Variants in USP17L7 observed in about 807,000 individuals in gnomAD.
USP17L7 encodes inactive ubiquitin carboxyl-terminal hydrolase 17-like protein 7.
In USP17L7, 53 loss-of-function variants were observed where a neutral mutation model predicts 37.6. The ratio of observed to expected loss-of-function variants is 1.41; its 90% confidence interval spans 1.13 to 1.77. USP17L7 has a LOEUF of 1.77. Among genes scored for constraint, USP17L7 ranks in the 40% most tolerant of loss-of-function variants. USP17L7 has a pLI of 0.00. For missense variants in USP17L7, 914 were observed against 645.0 expected, an observed-to-expected ratio of 1.42 and a Z score of -4.52; for synonymous variants, 330 against 251.0, an observed-to-expected ratio of 1.31 and a Z score of -2.98.
At position 12,132,728 on chromosome 8, in the gene USP17L7, C is replaced by T. The variant is rs777887550; in HGVS notation, c.1282G>A (p.Ala428Thr). ...TGGTCTAAGGTGCTTTCCTGAGTGG[C>T]TCTTTCCACCAAGTGCTCGTCCAAC... ...PELDEHLVER[A>T]TQESTLDHWK... The change falls in exon 1 of 1, where the codon GCC (alanine) becomes ACC (threonine). Residue 428 changes from alanine to threonine, a missense_variant. By Grantham distance (58) the Ala-to-Thr change is moderately conservative (BLOSUM62 0). Transcript: ENST00000530447. The T allele has an allele frequency of 3.6e-5, 55 of 1,540,648 alleles. 4 individuals are homozygous for T. Among genetic ancestry groups the T allele is most frequent in the Non-Finnish European group, 4.6e-5 (52 of 1,135,340 alleles).
rs767185230 is a variant in USP17L7, at chr8:12,133,604, G to C, written c.406C>G (p.Leu136Val). 2.4e-6 allele frequency: 3 copies of C among 1,262,914 alleles called. 1 individual carries two copies. The highest frequency in any genetic ancestry group is 2.7e-5 in the South Asian group (2 of 74,590). 78.2% of individuals were successfully genotyped at this position (1,262,914 alleles called of 1,614,324 possible). ...CTMQAHITWA[L>V]HSPGHVIQPS... ...TGGATGACATGGCCAGGACTGTGGA[G>C]GGCCCATGTGATGTGAGCTTGCATA... is the stretch of plus-strand genomic sequence containing the variant. Residue 136 changes from leucine to valine, a missense_variant, in exon 1 of 1, where the codon CTC becomes GTC. Transcript: ENST00000530447.
Position 12,134,058 on chromosome 8 carries a change from G to A in USP17L7, c.-49C>T, listed in dbSNP as rs781032279. Reference sequence around the variant, plus strand: ...GGTTTTTCTGCTGGGACCGCAGGTTGCAGCAAGACGCTATCTCTTCCGAGA... The same window carrying A: ...GGTTTTTCTGCTGGGACCGCAGGTTACAGCAAGACGCTATCTCTTCCGAGA... On this transcript the variant is annotated 5_prime_UTR_variant, in exon 1 of 1. Transcript: ENST00000530447. 14 of 836,908 alleles carry A rather than the reference G, an allele frequency of 1.7e-5. 1 individual carries two copies. The highest frequency in any genetic ancestry group is 2.6e-5 in the Non-Finnish European group (13 of 501,986). 51.8% of individuals were successfully genotyped at this position (836,908 alleles called of 1,614,324 possible).
At position 12,132,494 on chromosome 8, in the gene USP17L7, C is replaced by G; in HGVS notation, c.1516G>C (p.Ala506Pro). Residue 506 changes from alanine (A) to proline (P), a missense_variant, in exon 1 of 1, where the codon GCT (alanine) becomes CCT (proline). Transcript: ENST00000530447. ...CTCCTGGTGCTCCCTTGCAGAGAAGCGAGTGTGCCAGTGTTCATGGACTCC... is the reference window on the plus strand; with the variant it reads ...CTCCTGGTGCTCCCTTGCAGAGAAGGGAGTGTGCCAGTGTTCATGGACTCC... ...DQESMNTGTL[A>P]SLQGSTRRSK... The G allele has an allele frequency of 1.4e-6, 2 of 1,466,748 alleles. No individual in the cohort carries two copies. Among genetic ancestry groups the G allele is most frequent in the Non-Finnish European group, 1.9e-6 (2 of 1,071,824 alleles). 90.9% of individuals were successfully genotyped at this position (1,466,748 alleles called of 1,614,324 possible).
In USP17L7 at chr8:12,133,092, G is replaced by A. The variant is rs1802998398; in HGVS notation, c.918C>T (p.Tyr306=). The A allele has an allele frequency of 2.0e-6, 3 of 1,484,176 alleles. No individual in the cohort carries two copies. The highest frequency in any genetic ancestry group is 2.8e-5 in the African/African-American group (2 of 71,830). The allele number at this position is 1,484,176 out of a possible 1,614,324, so 91.9% of individuals were successfully genotyped here. ...GAGGTCCTGTGTTCTGCTGAGACAT[G>A]TATGGCTGCATGTCACGGCACTTAG... ...QYPKCRDMQP[Y]MSQQNTGPLV... Residue 306 remains tyrosine, a synonymous_variant, in exon 1 of 1, where the codon TAC becomes TAT. Coordinates refer to ENST00000530447, the MANE Select transcript of USP17L7 (RefSeq NM_001256869.2).
rs747859174 is a variant in USP17L7, at chr8:12,133,476, G to A, written c.534C>T (p.Pro178=). Residue 178 remains proline, a synonymous_variant, in exon 1 of 1, where the codon CCC becomes CCT. Coordinates refer to ENST00000530447, the MANE Select transcript of USP17L7 (RefSeq NM_001256869.2). ...TVDAMKKACL[P]GHKQLDHHSK... ...AGTGATGATCTAGCTGCTTGTGCCC[G>A]GGAAGGCATGCCTTTTTCATGGCAT... The A allele has an allele frequency of 2.1e-4, 307 of 1,473,528 alleles. 18 individuals carry two copies. Among genetic ancestry groups the A allele is most frequent in the Non-Finnish European group, 2.7e-4 (297 of 1,080,876 alleles). The allele number at this position is 1,473,528 out of a possible 1,614,324, so 91.3% of individuals were successfully genotyped here.
rs540439944 is a variant in USP17L7, at chr8:12,133,780, G to A, written c.230C>T (p.Ala77Val). 2.6e-4 allele frequency: 384 copies of A among 1,497,132 alleles called. 38 individuals are homozygous for A. The African/African-American group carries it at 3.3e-3, about 13-fold the overall frequency. 92.7% of individuals were successfully genotyped at this position (1,497,132 alleles called of 1,614,324 possible). ...KLPLSSRRPAAVGAGLQKIGN... is the reference protein window; with the variant it reads ...KLPLSSRRPAVVGAGLQKIGN... ...TATCTTCTGGAGCCCAGCCCCCACC[G>A]CAGCAGGTCTCCTGCTACTCAGAGG... The change falls in exon 1 of 1, where the codon GCG (alanine) becomes GTG (valine). Residue 77 changes from alanine to valine, a missense_variant. Ala to Val is a moderately conservative substitution (Grantham distance 64, BLOSUM62 0). Coordinates refer to ENST00000530447, the MANE Select transcript of USP17L7 (RefSeq NM_001256869.2).
In USP17L7 at chr8:12,132,474, G is replaced by A. The variant is rs780829149; in HGVS notation, c.1536C>T (p.Thr512=). 6 of 1,452,224 alleles carry A rather than the reference G, an allele frequency of 4.1e-6. No individual in the cohort carries two copies. Among genetic ancestry groups the A allele is most frequent in the Non-Finnish European group, 5.7e-6 (6 of 1,058,670 alleles). The allele number at this position is 1,452,224 out of a possible 1,614,324, so 90.0% of individuals were successfully genotyped here. A position where few individuals can be genotyped will look rare whatever the true frequency, so the allele number is the denominator to read the frequency against. The change falls in exon 1 of 1, where the codon ACC becomes ACT. Residue 512 remains threonine (T), a synonymous_variant. Coordinates refer to ENST00000530447, the MANE Select transcript of USP17L7 (RefSeq NM_001256869.2). ...GTTTGTTATTCCCTTTGGATCTCCT[G>A]GTGCTCCCTTGCAGAGAAGCGAGTG... is the stretch of plus-strand genomic sequence containing the variant. The part of the protein sequence containing the change: ...TGTLASLQGS[T]RRSKGNNKHS...
Position 12,133,173 on chromosome 8 carries a change from T to G in USP17L7, c.837A>C (p.Val279=), listed in dbSNP as rs371723489. Reference sequence around the variant, plus strand: ...CTGTGACATCGGAGAATCTCTTCAATACAAGAATGAGGACCTTGGCAGAAG... The same window carrying G: ...CTGTGACATCGGAGAATCTCTTCAAGACAAGAATGAGGACCTTGGCAGAAG... The part of the protein sequence containing the change: ...LPTSAKVLIL[V]LKRFSDVTGN... Residue 279 remains valine (V), a synonymous_variant, in exon 1 of 1, where the codon GTA becomes GTC. Coordinates refer to ENST00000530447, the MANE Select transcript of USP17L7 (RefSeq NM_001256869.2). 27,805 of 1,420,254 alleles carry G rather than the reference T, an allele frequency of 0.02. 1,782 individuals carry two copies. Among genetic ancestry groups the G allele is most frequent in the South Asian group, 0.042 (3,203 of 76,214 alleles). 88.0% of individuals were successfully genotyped at this position (1,420,254 alleles called of 1,614,324 possible).
rs758352095 is a variant in USP17L7 at position 12,133,152 on chromosome 8, G to T, written c.858C>A (p.Val286=). The change falls in exon 1 of 1, where the codon GTC becomes GTA. Residue 286 remains valine, a synonymous_variant. Coordinates refer to ENST00000530447, the MANE Select transcript of USP17L7 (RefSeq NM_001256869.2). ...LILVLKRFSD[V]TGNKLAKNVQ... is the part of the protein sequence containing the mutation. ...CATTCTTGGCAAGTTTGTTGCCTGT[G>T]ACATCGGAGAATCTCTTCAATACAA... The T allele has an allele frequency of 2.6e-6, 4 of 1,509,836 alleles. No homozygotes were observed. The Admixed American group carries it at 7.0e-5, about 26-fold the overall frequency. The allele number at this position is 1,509,836 out of a possible 1,614,324, so 93.5% of individuals were successfully genotyped here. A position where few individuals can be genotyped will look rare whatever the true frequency, so the allele number is the denominator to read the frequency against.
rs544330872 is a variant in USP17L7, at chr8:12,133,438, G to A, written c.572C>T (p.Thr191Ile). 14 of 1,461,118 alleles carry A rather than the reference G, an allele frequency of 9.6e-6. 2 individuals carry two copies. Among genetic ancestry groups the A allele is most frequent in the African/African-American group, 2.8e-5 (2 of 70,494 alleles). The allele number at this position is 1,461,118 out of a possible 1,614,324, so 90.5% of individuals were successfully genotyped here. A position where few individuals can be genotyped will look rare whatever the true frequency, so the allele number is the denominator to read the frequency against. The change falls in exon 1 of 1, where the codon ACC (threonine) becomes ATC (isoleucine). Residue 191 changes from threonine (T) to isoleucine (I), a missense_variant. Physicochemically the swap from Thr to Ile is moderately conservative, Grantham distance 89. Transcript: ENST00000530447. ...CGCTCCAAATATTTGGTGGATGAGGGTGGTGTCCTTGGAGTGATGATCTAG... is the reference window on the plus strand; with the variant it reads ...CGCTCCAAATATTTGGTGGATGAGGATGGTGTCCTTGGAGTGATGATCTAG... ...KQLDHHSKDT[T>I]LIHQIFGAYW...
rs1171638638 is a variant in USP17L7 at position 12,133,497 on chromosome 8, G to T, written c.513C>A (p.Ala171=). 1.2e-5 allele frequency: 18 copies of T among 1,474,636 alleles called. 2 individuals are homozygous for T. Among genetic ancestry groups the T allele is most frequent in the Admixed American group, 1.7e-5 (1 of 57,176 alleles). The allele number at this position is 1,474,636 out of a possible 1,614,324, so 91.3% of individuals were successfully genotyped here. A position where few individuals can be genotyped will look rare whatever the true frequency, so the allele number is the denominator to read the frequency against. The change falls in exon 1 of 1, where the codon GCC becomes GCA. Residue 171 remains alanine, a synonymous_variant. Coordinates refer to ENST00000530447, the MANE Select transcript of USP17L7 (RefSeq NM_001256869.2). The part of the protein sequence containing the change: ...AHEFLMFTVD[A]MKKACLPGHK... ...GCCCGGGAAGGCATGCCTTTTTCAT[G>T]GCATCCACAGTAAACATGAGAAATT...
In USP17L7 at chr8:12,132,813, T is replaced by A. The variant is rs777386482; in HGVS notation, c.1197A>T (p.Thr399=). 2 of 1,519,738 alleles carry A rather than the reference T, an allele frequency of 1.3e-6. No homozygotes were observed. The highest frequency in any genetic ancestry group is 1.8e-6 in the Non-Finnish European group (2 of 1,116,596). The allele number at this position is 1,519,738 out of a possible 1,614,324, so 94.1% of individuals were successfully genotyped here. The change falls in exon 1 of 1, where the codon ACA becomes ACT. Residue 399 remains threonine (T), a synonymous_variant. Transcript: ENST00000530447. ...REPRALGAED[T]DRPATQGELK... ...GCTCTCCTTGCGTTGCTGGCCTGTC[T>A]GTGTCTTCAGCACCAAGGGCTCTTG...
In USP17L7 at chr8:12,132,677, T is replaced by G. The variant is rs1375885468; in HGVS notation, c.1333A>C (p.Lys445Gln). ...CTGACGTTGAACTCAGGCTTCGTTT[T>G]GTTTTGCTCTTGGGGGAATTTCCAG... ...DHWKFPQEQN[K>Q]TKPEFNVRKV... Residue 445 changes from lysine to glutamine, a missense_variant, in exon 1 of 1, where the codon AAA (lysine) becomes CAA (glutamine). Lys to Gln is a moderately conservative substitution (Grantham distance 53). Coordinates refer to ENST00000530447, the MANE Select transcript of USP17L7 (RefSeq NM_001256869.2). 2 of 1,544,056 alleles carry G rather than the reference T, an allele frequency of 1.3e-6. 1 individual carries two copies. The highest frequency in any genetic ancestry group is 5.1e-5 in the East Asian group (2 of 38,886).
chr8:12,132,420 C>A lies in USP17L7; in HGVS notation c.1590G>T (p.Gln530His), dbSNP rs1243697967. 1 of 1,406,762 alleles carries A rather than the reference C, an allele frequency of 7.1e-7. No individual in the cohort carries two copies. 87.1% of individuals were successfully genotyped at this position (1,406,762 alleles called of 1,614,324 possible). The change falls in exon 1 of 1, where the codon CAG becomes CAT. Residue 530 changes from glutamine (Q) to histidine (H), a missense_variant. Gln to His is a conservative substitution (Grantham distance 24, BLOSUM62 0). Transcript: ENST00000530447. ...TGGGTCGGTACTTCCACTGTGATCA[C>A]TGGCACACAAGCAGAGATCTCTTGC... Reference protein sequence around the residue: ...KHSKRSLLVCQ With the variant: ...KHSKRSLLVCH
chr8:12,132,616 A>T lies in USP17L7; in HGVS notation c.1394T>A (p.Val465Glu), dbSNP rs746144415. 24 of 1,532,164 alleles carry T rather than the reference A, an allele frequency of 1.6e-5. 8 individuals carry two copies. The East Asian group carries it at 5.9e-4, about 38-fold the overall frequency. The allele number at this position is 1,532,164 out of a possible 1,614,324, so 94.9% of individuals were successfully genotyped here. A position where few individuals can be genotyped will look rare whatever the true frequency, so the allele number is the denominator to read the frequency against. The change falls in exon 1 of 1, where the codon GTG becomes GAG. Residue 465 changes from valine to glutamate, a missense_variant. By Grantham distance (121) the Val-to-Glu change is moderately radical. Coordinates refer to ENST00000530447, the MANE Select transcript of USP17L7 (RefSeq NM_001256869.2). ...ACACTTGTATTTTGATTGATGAATCACAAGTACGTTGGGAGGCAGGGTACC... is the reference window on the plus strand; with the variant it reads ...ACACTTGTATTTTGATTGATGAATCTCAAGTACGTTGGGAGGCAGGGTACC... ...VEGTLPPNVL[V>E]IHQSKYKCGM...
Position 12,132,907 on chromosome 8 carries a change from T to G in USP17L7, c.1103A>C (p.Tyr368Ser). The part of the protein sequence containing the change: ...GITSVLSQQA[Y>S]VLFYIQKSEW... ...ACTCTTCTGGATGTAAAAGAGGACA[T>G]AGGCCTGTTGACTCAGGACAGAGGT... is the stretch of plus-strand genomic sequence containing the variant. The change falls in exon 1 of 1, where the codon TAT becomes TCT. Residue 368 changes from tyrosine (Y) to serine (S), a missense_variant. Tyr to Ser is a moderately radical substitution (Grantham distance 144). Transcript: ENST00000530447. 3 of 1,501,342 alleles carry G rather than the reference T, an allele frequency of 2.0e-6. 1 individual carries two copies. Among genetic ancestry groups the G allele is most frequent in the Non-Finnish European group, 2.7e-6 (3 of 1,099,728 alleles). The allele number at this position is 1,501,342 out of a possible 1,614,324, so 93.0% of individuals were successfully genotyped here.
In USP17L7 at chr8:12,133,805, G is replaced by GAAGC. The variant is rs1448330546; in HGVS notation, c.201_204dup (p.Pro69AlafsTer5). ...GCAGCAGGTCTCCTGCTACTCAGAG[G>GAAGC]AAGCTTCTCCCTGGGAGCAAGCTGT... On this transcript the variant is annotated frameshift_variant, in exon 1 of 1. Coordinates refer to ENST00000530447, the MANE Select transcript of USP17L7 (RefSeq NM_001256869.2). LOFTEE classifies it high-confidence loss of function. 1 of 1,521,242 alleles carries GAAGC rather than the reference G, an allele frequency of 6.6e-7. No individual in the cohort carries two copies. Among genetic ancestry groups the GAAGC allele is most frequent in the Non-Finnish European group, 8.9e-7 (1 of 1,119,978 alleles). 94.2% of individuals were successfully genotyped at this position (1,521,242 alleles called of 1,614,324 possible).
rs977575005 is a variant in USP17L7, at chr8:12,134,067, C to T, written c.-58G>A. ...GCTGGGACCGCAGGTTGCAGCAAGA[C>T]GCTATCTCTTCCGAGAGAGTCTTCA... On this transcript the variant is annotated 5_prime_UTR_variant, in exon 1 of 1. Coordinates refer to ENST00000530447, the MANE Select transcript of USP17L7 (RefSeq NM_001256869.2). The T allele has an allele frequency of 3.1e-5, 26 of 826,568 alleles. 2 individuals carry two copies. The highest frequency in any genetic ancestry group is 3.6e-4 in the Middle Eastern group (1 of 2,810). The allele number at this position is 826,568 out of a possible 1,614,324, so 51.2% of individuals were successfully genotyped here. A position where few individuals can be genotyped will look rare whatever the true frequency, so the allele number is the denominator to read the frequency against.
At position 12,133,845 on chromosome 8, in the gene USP17L7, C is replaced by G. The variant is rs766339676; in HGVS notation, c.165G>C (p.Leu55Phe). The G allele has an allele frequency of 3.3e-6, 5 of 1,526,944 alleles. No individual in the cohort carries two copies. The highest frequency in any genetic ancestry group is 2.5e-5 in the South Asian group (2 of 81,076). 94.6% of individuals were successfully genotyped at this position (1,526,944 alleles called of 1,614,324 possible). ...GAGCAAGCTGTCTTGCCACAGGAGC[C>G]AAATCATCACAGAGGTCGAAACGGG... Reference protein sequence around the residue: ...SETRFDLCDDLAPVARQLAPR... With the variant: ...SETRFDLCDDFAPVARQLAPR... Residue 55 changes from leucine (L) to phenylalanine (F), a missense_variant, in exon 1 of 1, where the codon TTG (leucine) becomes TTC (phenylalanine). Physicochemically the swap from Leu to Phe is conservative, Grantham distance 22 (BLOSUM62 0). Coordinates refer to ENST00000530447, the MANE Select transcript of USP17L7 (RefSeq NM_001256869.2).
Sources: allele counts gnomAD v4.1 joint callset, GRCh38; gene constraint gnomAD v4.1.1; transcripts MANE v1.5; gene names NCBI Gene and HGNC (gene_info 2026-07-23, HGNC 2026-07-21).